The following RET variants were observed in gnomAD, a reference collection of about 807,000 sequenced individuals.
The protein encoded by RET is proto-oncogene tyrosine-protein kinase receptor Ret.
Under a neutral mutation model 118.3 loss-of-function variants are expected in RET, and 19 were observed. The ratio of observed to expected loss-of-function variants is 0.16; its 90% CI spans 0.11 to 0.24. The LOEUF (loss-of-function observed/expected upper bound fraction) is 0.24. Ranked by LOEUF, RET falls within the 10% of genes least tolerant of loss-of-function variation. RET has a pLI of 1.00. For missense variants in RET, 1,219 were observed against 1,502.1 expected (o/e 0.81, Z 3.12); for synonymous variants, 597 against 644.1 (o/e 0.93, Z 1.11).
At chr10:43,123,174 T>C (rs1229793433) in intron 16 of RET, among the ~76,000 whole-genome samples, 1 of 152,226 alleles carries the variant, frequency 6.6e-6, no homozygotes, top group Non-Finnish European at 1.5e-5. Context: ...AAAGCGAGTT[T>C]TCCTTCACAG....
At chr10:43,103,768 T>TG (rs1003590490) in intron 3 of RET, among the ~76,000 whole-genome samples, 4 of 152,178 alleles carry the variant, frequency 2.6e-5, no homozygotes, top group Non-Finnish European at 5.9e-5. Flanking sequence ...TTTAGTTTAG[T>TG]GGGGGGTTTT....
chr10:43,089,851 T>C lies in RET; in HGVS notation c.74-10608T>C, dbSNP rs745932693. Among the ~76,000 whole-genome samples the C allele has an allele frequency of 1.7e-4, 26 of 152,366 alleles. 1 individual carries two copies. Among genetic ancestry groups the C allele is most frequent in the Non-Finnish European group, 3.1e-4 (21 of 68,034 alleles). ...GTCTGTCAGCCTCATACTCTTGTTA[T>C]CATCAGACAAGAACCCTGAGAGTTA... On this transcript the variant is annotated intron_variant, in intron 1 of 19. Transcript: ENST00000355710.
intron 1 of RET, among the ~76,000 whole-genome samples, chr10:43,088,933 T>C (rs1357041952): frequency 6.6e-6 from 1 of 152,240 alleles, no homozygotes; most frequent in Non-Finnish European, 1.5e-5. Context: ...TCCCCTCCTT[T>C]CACTCTGGCT....
In RET at chr10:43,111,447, G is replaced by A. The variant is rs770395347; in HGVS notation, c.1504G>A (p.Val502Ile). The A allele has an allele frequency of 1.3e-6, 2 of 1,533,884 alleles. No homozygotes were observed. The highest frequency in any genetic ancestry group is 1.4e-5 in the African/African-American group (1 of 72,850). ...TAGGCAGGCCCAGGCCCAGCTGCTT[G>A]TAACAGTGGAGGGGTCATGTGAGTG... ...TSRQAQAQLL[V>I]TVEGSYVAEE... The change falls in exon 7 of 20, where the codon GTA becomes ATA. Residue 502 changes from valine to isoleucine, a missense_variant. Val to Ile is a conservative substitution (Grantham distance 29, BLOSUM62 3). This residue lies in a region of RET where 850 missense variants were observed against 969.6 expected (regional missense o/e 0.88). Coordinates refer to ENST00000355710, the MANE Select transcript of RET (RefSeq NM_020975.6).
intron 2 of RET, among the ~76,000 whole-genome samples, chr10:43,102,008 G>C (rs921445682): frequency 1.9e-4 from 25 of 133,846 alleles, no homozygotes; most frequent in African/African-American, 6.4e-4. Flanking sequence ...GGAGGGTGTG[G>C]CAGGGGGGGT....
Position 43,123,853 on chromosome 10 carries a change from G to T in RET, c.2939+45G>T, listed in dbSNP as rs375808319. 19 of 1,613,050 alleles carry T rather than the reference G, an allele frequency of 1.2e-5. No homozygotes were observed. The African/African-American group carries it at 2.3e-4, about 19-fold the overall frequency. ...GGCCCAGCCTCACTTGGGAAGGGAG[G>T]GGACATCTGTGTGCATTCCCTCCCC... On this transcript the variant is annotated intron_variant, in intron 17 of 19. Transcript: ENST00000355710.
chr10:43,114,323 G>A lies in RET; in HGVS notation c.1880-157G>A, dbSNP rs1330246193. Among the ~76,000 whole-genome samples, 2 of 152,102 alleles carry A rather than the reference G, an allele frequency of 1.3e-5. No homozygotes were observed. The highest frequency in any genetic ancestry group is 4.8e-5 in the African/African-American group (2 of 41,412). ...GCAGTAAATGGCAGTACCCATGCTC[G>A]ATGGGGTGTTCTCAGGCCTTCCCAC... On this transcript the variant is annotated intron_variant, in intron 10 of 19. Coordinates refer to ENST00000355710, the MANE Select transcript of RET (RefSeq NM_020975.6). This position sits in a 1 kb window ranked among gnomAD's most constrained non-coding sequence, Gnocchi z 4.6.
In RET at chr10:43,114,546, C is replaced by T. The variant is rs148935214; in HGVS notation, c.1946C>T (p.Ser649Leu). The T allele has an allele frequency of 4.5e-4, 717 of 1,610,902 alleles. No individual in the cohort carries two copies. Among genetic ancestry groups the T allele is most frequent in the Non-Finnish European group, 5.6e-4 (663 of 1,180,000 alleles). ...GCTGTCCTCTTCTCCTTCATCGTCT[C>T]GGTGCTGCTGTCTGCCTTCTGCATC... ...AAAVLFSFIV[S>L]VLLSAFCIHC... is the part of the protein sequence containing the mutation. Residue 649 changes from serine to leucine, a missense_variant, in exon 11 of 20, where the codon TCG becomes TTG. Coordinates refer to ENST00000355710, the MANE Select transcript of RET (RefSeq NM_020975.6). The surrounding 1 kb of genome is among the most constrained non-coding windows in gnomAD (Gnocchi z 4.6).
rs1394416241 is a variant in RET, at chr10:43,106,851, A to C, written c.1063+280A>C. 5.3e-5 allele frequency among the ~76,000 whole-genome samples: 8 copies of C among 152,180 alleles called. No homozygotes were observed. ...CCCCCTGCTGACCTCACCAGGGCTC[A>C]CCACCGACTGCAAACACACATGTCA... On this transcript the variant is annotated intron_variant, in intron 5 of 19. Transcript: ENST00000355710. The surrounding 1 kb of genome is among the most constrained non-coding windows in gnomAD (Gnocchi z 5.1).
At chr10:43,104,817 T>C (rs574456959) in intron 3 of RET, 135 bp from the exon 4 acceptor site, 3 of 1,321,002 alleles carry the variant, frequency 2.3e-6, no homozygotes. Context: ...CCCTCCCCTG[T>C]GGAGCGGAGG....
rs200047805 is a variant in RET at position 43,112,865 on chromosome 10, A to G, written c.1661A>G (p.Asn554Ser). ...GTGTCCTGTGCAGGGATCACCAGGA[A>G]CTTCTCCACCTGCTCTCCCAGCACC... ...RQGDGKGITR[N>S]FSTCSPSTKT... Residue 554 changes from asparagine (N) to serine (S), a missense_variant, in exon 9 of 20, where the codon AAC (asparagine) becomes AGC (serine). Asn to Ser is a conservative substitution (Grantham distance 46). Transcript: ENST00000355710. 1.9e-6 allele frequency: 3 copies of G among 1,613,946 alleles called. No homozygotes were observed. Among genetic ancestry groups the G allele is most frequent in the East Asian group, 2.2e-5 (1 of 44,884 alleles).
chr10:43,079,877 C>T (rs936785436), intron 1 of RET, among the ~76,000 whole-genome samples: 2 of 152,152 alleles, frequency 1.3e-5, no homozygotes, highest in African/African-American at 4.8e-5. Flanking sequence ...TTTCCTTCTC[C>T]CCTTTCTCTG....
At chr10:43,100,781 C>T (rs910939626) in intron 2 of RET, 59 bp downstream of exon 2, 6 of 1,520,716 alleles carry the variant, frequency 3.9e-6, no homozygotes, top group East Asian at 2.5e-5. Flanking sequence ...CTCAAGCCGC[C>T]CTTATCACAG....
intron 5 of RET, among the ~76,000 whole-genome samples, chr10:43,108,657 C>A (rs768842823): frequency 1.3e-5 from 2 of 152,070 alleles, no homozygotes; most frequent in Admixed American, 1.3e-4. Context: ...CACAAACACC[C>A]CATACACACA....
rs1463840144 is a variant in RET, at chr10:43,126,588, T to G, written c.3053T>G (p.Leu1018Arg). 28 of 1,613,944 alleles carry G rather than the reference T, an allele frequency of 1.7e-5. No homozygotes were observed. The highest frequency in any genetic ancestry group is 2.4e-5 in the Non-Finnish European group (28 of 1,180,022). The part of the protein sequence containing the change: ...MMVKRRDYLD[L>R]AASTPSDSLI... Reference sequence around the variant, plus strand: ...TCTGTCTTCCAGGACTACTTGGACCTTGCGGCGTCCACTCCATCTGACTCC... The same window carrying G: ...TCTGTCTTCCAGGACTACTTGGACCGTGCGGCGTCCACTCCATCTGACTCC... The change falls in exon 19 of 20, where the codon CTT (leucine) becomes CGT (arginine). Residue 1018 changes from leucine to arginine, a missense_variant. By Grantham distance (102) the Leu-to-Arg change is moderately radical (BLOSUM62 -2). Transcript: ENST00000355710.
intron 19 of RET, 101 bp from the exon 20 acceptor site, chr10:43,128,011 G>A (rs1302369806): frequency 7.3e-6 from 9 of 1,228,626 alleles, no homozygotes; most frequent in African/African-American, 1.5e-5. Flanking sequence ...GAAACCACGA[G>A]TTTGGTTTGA....
chr10:43,116,705 C>A lies in RET; in HGVS notation c.2258C>A (p.Thr753Asn), dbSNP rs749755131. 1 of 1,613,926 alleles carries A rather than the reference C, an allele frequency of 6.2e-7. No homozygotes were observed. The highest frequency in any genetic ancestry group is 8.5e-7 in the Non-Finnish European group (1 of 1,180,018). ...AFHLKGRAGY[T>N]TVAVKMLKEN... Reference sequence around the variant, plus strand: ...CATCTGAAAGGCAGAGCAGGGTACACCACGGTGGCCGTGAAGATGCTGAAA... The same window carrying A: ...CATCTGAAAGGCAGAGCAGGGTACAACACGGTGGCCGTGAAGATGCTGAAA... Residue 753 changes from threonine (T) to asparagine (N), a missense_variant, in exon 12 of 20, where the codon ACC (threonine) becomes AAC (asparagine). Around this residue, in one of 5 missense-constraint regions of RET, gnomAD observed 850 missense variants for 969.6 expected, o/e 0.88. Coordinates refer to ENST00000355710, the MANE Select transcript of RET (RefSeq NM_020975.6).
chr10:43,113,409 A>C, intron 9 of RET, 147 bp from the exon 10 acceptor site: 2 of 951,706 alleles, frequency 2.1e-6, no homozygotes, highest in Non-Finnish European at 3.0e-6. Flanking sequence ...TGCCCGGCTA[A>C]GCCAAGCTGC....
chr10:43,084,767 G>A (rs2435358), intron 1 of RET, among the ~76,000 whole-genome samples: 119,469 of 151,596 alleles, frequency 0.79, 48,129 homozygotes, highest in African/African-American at 0.95. Context: ...CTGAGGCCAC[G>A]TTGAGCACCA....
Sources: gnomAD v4.1 joint callset for allele counts (sites outside exome capture counted in the v4.1 genomes callset) on GRCh38, gnomAD v4.1.1 for gene constraint, gnomAD v4.1.1 regional missense constraint, Gnocchi (gnomAD v3.1) non-coding constraint, MANE v1.5 for transcripts, NCBI Gene and HGNC (gene_info 2026-07-23, HGNC 2026-07-21) for gene names.